Variants in GLB1 observed in about 807,000 individuals in gnomAD.
GLB1 encodes the protein beta-galactosidase.
A neutral mutation model predicts 74.0 loss-of-function variants in GLB1; 56 were observed. That is an observed-to-expected ratio of 0.76 (90% CI 0.61 to 0.94). The LOEUF (loss-of-function observed/expected upper bound fraction) is 0.94, where lower values mean the gene tolerates loss of function less well. Ranked by LOEUF, GLB1 falls within the 40% of genes least tolerant of loss-of-function variation. GLB1 has a pLI of 0.00. For missense variants in GLB1, 787 were observed against 845.5 expected, an observed-to-expected ratio of 0.93 and a Z score of 0.86; for synonymous variants, 323 against 323.6, an observed-to-expected ratio of 1.00 and a Z score of 0.02.
intron 1 of GLB1, chr3:33,090,948 G>A (rs1390024794): frequency 1.0e-6 from 1 of 985,150 alleles, no homozygotes; most frequent in Non-Finnish European, 1.2e-6. Context: ...AGGACTTAAT[G>A]AAAGCTAATT....
intron 10 of GLB1, chr3:33,034,280 T>C (rs915903444): frequency 1.6e-5 from 11 of 707,992 alleles, no homozygotes; most frequent in Non-Finnish European, 2.1e-5. Context: ...GGAAGGCCAA[T>C]GGGAAGTGAA....
chr3:33,033,173 C>G (rs1575430844), intron 10 of GLB1, among the ~76,000 whole-genome samples: 2 of 152,320 alleles, frequency 1.3e-5, no homozygotes, highest in African/African-American at 4.8e-5. Context: ...CCTAAAGGCA[C>G]CCAGCCCCGG....
chr3:33,089,366 G>C (rs907940288), intron 1 of GLB1, among the ~76,000 whole-genome samples: 1 of 152,082 alleles, frequency 6.6e-6, no homozygotes, highest in Non-Finnish European at 1.5e-5. Flanking sequence ...TGCAAATTAC[G>C]TATCTGATAA....
At chr3:32,962,940 G>A in the GLB1 span, among the ~76,000 whole-genome samples, 2 of 151,910 alleles carry the variant, frequency 1.3e-5, no homozygotes, top group African/African-American at 2.4e-5. Flanking sequence ...TACATACACC[G>A]ATTTAAAAGC....
intron 10 of GLB1, among the ~76,000 whole-genome samples, chr3:33,036,478 TA>T (rs1004688331): frequency 2.0e-5 from 3 of 152,196 alleles, no homozygotes; most frequent in African/African-American, 7.2e-5. Context: ...AGAAAGAAAA[TA>T]ATTCTAAAAA....
downstream of GLB1, among the ~76,000 whole-genome samples, chr3:32,996,301 A>T (rs1488545109): frequency 6.6e-6 from 1 of 152,232 alleles, no homozygotes; most frequent in East Asian, 1.9e-4. Context: ...GACTACTGAC[A>T]TGTGTATAGG....
chr3:33,073,054 C>T (rs1036799827), intron 1 of GLB1, among the ~76,000 whole-genome samples: 5 of 152,158 alleles, frequency 3.3e-5, no homozygotes, highest in South Asian at 2.1e-4. Flanking sequence ...CACGCACACA[C>T]GCCATTGTTG....
the GLB1 span, among the ~76,000 whole-genome samples, chr3:32,981,305 A>T: frequency 6.8e-6 from 1 of 147,664 alleles, no homozygotes; most frequent in African/African-American, 2.5e-5. Flanking sequence ...CGGGAGGCTG[A>T]GGCCGAATCA....
At chr3:32,986,474 T>C in the GLB1 span, among the ~76,000 whole-genome samples, 5 of 152,218 alleles carry the variant, frequency 3.3e-5, no homozygotes, top group Non-Finnish European at 7.3e-5. Flanking sequence ...ACCCTTCACA[T>C]TGAGCTCCCT....
chr3:33,061,537 G>A (rs974273314), intron 5 of GLB1: 2 of 152,182 alleles, frequency 1.3e-5, no homozygotes, highest in African/African-American at 4.8e-5. Context: ...TATATAAACG[G>A]TGTGGCGATT....
downstream of GLB1, among the ~76,000 whole-genome samples, chr3:32,994,738 C>T (rs898446381): frequency 1.1e-4 from 16 of 151,898 alleles, no homozygotes; most frequent in African/African-American, 2.7e-4. Context: ...CTGACCAACA[C>T]GGCAAAACCC....
intron 10 of GLB1, among the ~76,000 whole-genome samples, chr3:33,042,539 T>G (rs1426580506): frequency 6.6e-6 from 1 of 152,068 alleles, no homozygotes; most frequent in Non-Finnish European, 1.5e-5. Context: ...GGCTAATTTT[T>G]TGTCTTTTTA....
At chr3:32,978,634 C>T in the GLB1 span, among the ~76,000 whole-genome samples, 2 of 151,728 alleles carry the variant, frequency 1.3e-5, no homozygotes, top group Middle Eastern at 3.4e-3. Flanking sequence ...GCTTGGCCAA[C>T]GGAAGTAACA....
chr3:33,050,067 T>A (rs1698912763), intron 9 of GLB1, among the ~76,000 whole-genome samples: 1 of 151,864 alleles, frequency 6.6e-6, no homozygotes, highest in South Asian at 2.1e-4. Context: ...AAAATGCAAA[T>A]AAAGAGACAG....
chr3:33,026,465 T>A (rs937880395), intron 10 of GLB1, among the ~76,000 whole-genome samples: 1 of 151,982 alleles, frequency 6.6e-6, no homozygotes, highest in Non-Finnish European at 1.5e-5. Flanking sequence ...CCGGGCGCCA[T>A]GAATGGTGGC....
intron 12 of GLB1, among the ~76,000 whole-genome samples, chr3:33,020,052 A>T (rs971337681): frequency 3.3e-5 from 5 of 152,180 alleles, no homozygotes; most frequent in African/African-American, 1.2e-4. Flanking sequence ...CTCCCTCCCC[A>T]GGCTACACGT....
At chr3:32,982,714 A>G in the GLB1 span, among the ~76,000 whole-genome samples, 16,398 of 152,082 alleles carry the variant, frequency 0.11, 1,126 homozygotes, top group African/African-American at 0.2. Context: ...TTACCACTCT[A>G]TTTGCTTTTC....
intron 5 of GLB1, among the ~76,000 whole-genome samples, chr3:33,063,874 C>A (rs1049171868): frequency 2.6e-5 from 4 of 152,120 alleles, no homozygotes; most frequent in Non-Finnish European, 2.9e-5. Flanking sequence ...GCAACCTGGC[C>A]TCTCTCAAGA....
chr3:32,986,051 G>A, the GLB1 span, among the ~76,000 whole-genome samples: 2,724 of 152,300 alleles, frequency 0.018, 330 homozygotes, highest in East Asian at 0.34. Context: ...ATTAAAATGT[G>A]TTTGTTTTTC....
Sources: gnomAD v4.1 joint callset for allele counts (sites outside exome capture counted in the v4.1 genomes callset) on GRCh38, gnomAD v4.1.1 for gene constraint, MANE v1.5 for transcripts, NCBI Gene and HGNC (gene_info 2026-07-23, HGNC 2026-07-21) for gene names.